The following TEX14 variants were observed in gnomAD, a reference collection of about 807,000 sequenced individuals.
TEX14 encodes the protein testis expressed 14, intercellular bridge forming factor.
Under a neutral mutation model 178.6 loss-of-function variants are expected in TEX14, and 168 were observed. That is an observed-to-expected ratio of 0.94 (90% CI 0.83 to 1.07). TEX14 has a LOEUF of 1.07. TEX14 is among the 50% of genes least tolerant of loss of function. The probability of loss-of-function intolerance (pLI) is 0.00; values close to 1 mark genes in which losing one functional copy is unlikely to be tolerated. For missense variants in TEX14, 1,730 were observed against 1,753.6 expected (o/e 0.99, Z 0.24); for synonymous variants, 626 against 634.1 (o/e 0.99, Z 0.19).
At chr17:58,685,382 G>C (rs946190385) in intron 1 of TEX14, among the ~76,000 whole-genome samples, 1 of 150,172 alleles carries the variant, frequency 6.7e-6, no homozygotes, top group East Asian at 2.0e-4. Flanking sequence ...GTTGCAGTGA[G>C]CCGAGATCAC....
chr17:58,611,436 A>C, intron 9 of TEX14, 97 bp from the exon 10 acceptor site: 15 of 870,992 alleles, frequency 1.7e-5, no homozygotes, highest in Non-Finnish European at 2.7e-5. Context: ...TATGATCCTC[A>C]TGGTTACCAA....
At chr17:58,615,456 G>A (rs1237305774) in intron 7 of TEX14, 111 bp from the exon 8 acceptor site, 2 of 721,852 alleles carry the variant, frequency 2.8e-6, no homozygotes, top group African/African-American at 1.8e-5. Context: ...CACAGAACCT[G>A]CAATGCCCAC....
At chr17:58,576,424 C>T (rs530318101) in intron 21 of TEX14, among the ~76,000 whole-genome samples, 1 of 151,442 alleles carries the variant, frequency 6.6e-6, no homozygotes, top group African/African-American at 2.4e-5. Flanking sequence ...GTGGAGGTTG[C>T]AGTGAGCTGA....
intron 2 of TEX14, among the ~76,000 whole-genome samples, chr17:58,634,839 A>G (rs925160744): frequency 3.3e-5 from 5 of 152,148 alleles, no homozygotes; most frequent in African/African-American, 1.2e-4. Context: ...TATAATAAAA[A>G]TAATGTCTCC....
At chr17:58,651,104 A>G (rs2046830788) in intron 2 of TEX14, among the ~76,000 whole-genome samples, 2 of 152,160 alleles carry the variant, frequency 1.3e-5, no homozygotes, top group African/African-American at 2.4e-5. Flanking sequence ...CATCTCTACA[A>G]AAAACAAACA....
intron 2 of TEX14, among the ~76,000 whole-genome samples, chr17:58,647,073 T>C (rs945620159): frequency 6.6e-6 from 1 of 151,930 alleles, no homozygotes; most frequent in African/African-American, 2.4e-5. Flanking sequence ...GCCTATTTTA[T>C]GTTTTTAGTA....
chr17:58,585,761 G>T, intron 18 of TEX14, 40 bp downstream of exon 18: 1 of 1,604,238 alleles, frequency 6.2e-7, no homozygotes, highest in Non-Finnish European at 8.5e-7. Flanking sequence ...ACTGATACTT[G>T]ATTGAGTTCA....
intron 2 of TEX14, among the ~76,000 whole-genome samples, chr17:58,644,638 C>CTTT (rs34373378): frequency 2.0e-4 from 8 of 39,576 alleles, no homozygotes; most frequent in Non-Finnish European, 2.6e-4. Flanking sequence ...CCGCACCTGG[C>CTTT]TTTTTTTTTT....
intron 1 of TEX14, among the ~76,000 whole-genome samples, chr17:58,676,046 C>T (rs2047388948): frequency 6.6e-6 from 1 of 152,074 alleles, no homozygotes; most frequent in South Asian, 2.1e-4. Context: ...TCGAGACCAG[C>T]CTGACCAACA....
chr17:58,656,871 C>A (rs547864120), intron 1 of TEX14, among the ~76,000 whole-genome samples: 2 of 136,950 alleles, frequency 1.5e-5, no homozygotes, highest in East Asian at 2.1e-4. Flanking sequence ...TGCAGTGAGC[C>A]GAGATCATGC....
chr17:58,661,987 T>C (rs1340106791), intron 1 of TEX14, among the ~76,000 whole-genome samples: 1 of 151,966 alleles, frequency 6.6e-6, no homozygotes, highest in African/African-American at 2.4e-5. Flanking sequence ...CAAAGTGACT[T>C]TGCCAAGATT....
Position 58,572,007 on chromosome 17 carries a change from C to T in TEX14, c.3631G>A (p.Asp1211Asn). The change falls in exon 24 of 32, where the codon GAC becomes AAC. Residue 1211 changes from aspartate to asparagine, a missense_variant. This residue lies in a region of TEX14 where 941 missense variants were observed against 1,072.4 expected (regional missense o/e 0.88). Transcript: ENST00000349033. ...GCTCTCTCTCGGACACTTATAAAGT[C>T]ATCAGACAAAGTTTGAATAAATTCT... is the stretch of plus-strand genomic sequence containing the variant. The part of the protein sequence containing the change: ...SQEFIQTLSD[D>N]FISVRERAKK... 5 of 1,614,096 alleles carry T rather than the reference C, an allele frequency of 3.1e-6. No individual in the cohort carries two copies. The highest frequency in any genetic ancestry group is 4.2e-6 in the Non-Finnish European group (5 of 1,180,006).
rs1245603958 is a variant in TEX14, at chr17:58,672,266, C to CG, written c.-2+19672_-2+19673insC. Among the ~76,000 whole-genome samples, 7 of 152,138 alleles carry CG rather than the reference C, an allele frequency of 4.6e-5. No individual in the cohort carries two copies. In the East Asian group the frequency reaches 9.6e-4, roughly 21 times the overall value. On this transcript the variant is annotated intron_variant, in intron 1 of 31. Transcript: ENST00000349033. ...CCACCAACTGGTACCATGCTCCTTC[C>CG]AGGGGGTTGGAATCCCCTGCTCTAA...
At chr17:58,690,926 G>A (rs914636814) in intron 1 of TEX14, among the ~76,000 whole-genome samples, 1 of 152,122 alleles carries the variant, frequency 6.6e-6, no homozygotes, top group African/African-American at 2.4e-5. Flanking sequence ...GAGTGCAGTG[G>A]CGTGATCATA....
chr17:58,579,809 T>C, intron 19 of TEX14, 78 bp from the exon 20 acceptor site: 2 of 1,165,540 alleles, frequency 1.7e-6, no homozygotes, highest in Middle Eastern at 2.0e-4. Flanking sequence ...AATTTCTTGA[T>C]GTTCTTAAAT....
At chr17:58,657,467 T>C (rs1317328077) in intron 1 of TEX14, among the ~76,000 whole-genome samples, 1 of 151,326 alleles carries the variant, frequency 6.6e-6, no homozygotes, top group African/African-American at 2.4e-5. Context: ...TTGTCATGTG[T>C]ATATTATAAT....
chr17:58,624,321 ATTTTCTTTTC>A (rs988103650), intron 3 of TEX14, among the ~76,000 whole-genome samples: 6 of 142,726 alleles, frequency 4.2e-5, no homozygotes, highest in East Asian at 2.0e-4. Context: ...GTATCTACAT[ATTTTCTTTTC>A]TTTTCTTTTC....
At chr17:58,633,776 G>A (rs1445057361) in intron 2 of TEX14, among the ~76,000 whole-genome samples, 1 of 151,976 alleles carries the variant, frequency 6.6e-6, no homozygotes, top group Non-Finnish European at 1.5e-5. Flanking sequence ...AGACCTGCCT[G>A]GCCAACATGG....
At position 58,620,062 on chromosome 17, in the gene TEX14, C is replaced by T. The variant is rs1358693039; in HGVS notation, c.554+1588G>A. ...ATAGGATAGACACAGCCCCTGAGCT[C>T]TTGGAATTCACAATTTAATTGGAAA... On this transcript the variant is annotated intron_variant, in intron 5 of 31. Transcript: ENST00000349033. 3.9e-5 allele frequency among the ~76,000 whole-genome samples: 6 copies of T among 152,068 alleles called. 1 individual carries two copies. Among genetic ancestry groups the T allele is most frequent in the African/African-American group, 1.4e-4 (6 of 41,414 alleles).
Sources: gnomAD v4.1 joint callset for allele counts (sites outside exome capture counted in the v4.1 genomes callset) on GRCh38, gnomAD v4.1.1 for gene constraint, gnomAD v4.1.1 regional missense constraint, MANE v1.5 for transcripts, NCBI Gene and HGNC (gene_info 2026-07-23, HGNC 2026-07-21) for gene names.